ZDHHC15: variants seen among roughly 807,000 people sequenced by gnomAD.
The protein encoded by ZDHHC15 is palmitoyltransferase ZDHHC15.
A neutral mutation model predicts 31.7 loss-of-function variants in ZDHHC15; 19 were observed. The observed-to-expected ratio is 0.60, with a 90% CI of 0.42 to 0.88. ZDHHC15 has a LOEUF of 0.88. Among genes scored for constraint, ZDHHC15 ranks in the 40% least tolerant of loss-of-function variants. The pLI is 0.00. For missense variants in ZDHHC15, 209 were observed against 251.2 expected (o/e 0.83, Z 1.14); for synonymous variants, 103 against 90.0 (o/e 1.14, Z -0.82).
intron 2 of ZDHHC15, among the ~76,000 whole-genome samples, chrX:75,482,256 T>A (rs1435678948): frequency 9.0e-6 from 1 of 111,455 alleles, no homozygotes; most frequent in Non-Finnish European, 1.9e-5. Flanking sequence ...CCTGCACATG[T>A]ACCCCCTGAA....
intron 2 of ZDHHC15, among the ~76,000 whole-genome samples, chrX:75,491,913 A>C (rs2084902678): frequency 9.0e-6 from 1 of 111,657 alleles, no homozygotes; most frequent in Non-Finnish European, 1.9e-5. Flanking sequence ...CTAACATCAT[A>C]ATGACAGGAT....
At chrX:75,488,984 C>A (rs1376560276) in intron 2 of ZDHHC15, among the ~76,000 whole-genome samples, 1 of 111,871 alleles carries the variant, frequency 8.9e-6, no homozygotes, top group Non-Finnish European at 1.9e-5. Context: ...CCTACACCCA[C>A]AGAGCCTCCT....
intron 2 of ZDHHC15, among the ~76,000 whole-genome samples, chrX:75,483,626 T>A (rs1192205746): frequency 1.8e-5 from 2 of 111,969 alleles, no homozygotes; most frequent in African/African-American, 6.5e-5. Flanking sequence ...CTCTTGTTGA[T>A]AACGCCTACC....
chrX:75,410,555 A>G (rs5938060), intron 10 of ZDHHC15, among the ~76,000 whole-genome samples: 56,219 of 110,786 alleles, frequency 0.51, 12,964 homozygotes, highest in Non-Finnish European at 0.72. Flanking sequence ...GTGAGATACC[A>G]TGTAATCCTT....
chrX:75,480,341 T>G (rs1475296073), intron 2 of ZDHHC15, among the ~76,000 whole-genome samples: 1 of 111,734 alleles, frequency 8.9e-6, no homozygotes. Flanking sequence ...AACACCTCTT[T>G]GGTGTTTGGT....
intron 1 of ZDHHC15, among the ~76,000 whole-genome samples, chrX:75,517,064 G>T (rs1008745236): frequency 9.0e-6 from 1 of 111,698 alleles, no homozygotes; most frequent in East Asian, 2.8e-4. Context: ...TTAGAATGGC[G>T]ATCATTAAAA....
At chrX:75,436,860 T>C (rs1031982795) in intron 4 of ZDHHC15, among the ~76,000 whole-genome samples, 12 of 112,768 alleles carry the variant, frequency 1.1e-4, no homozygotes, top group African/African-American at 3.9e-4. Context: ...TTGTTTGTTT[T>C]ATTTTTTGTT....
At chrX:75,418,839 A>T (rs978938128) in intron 9 of ZDHHC15, among the ~76,000 whole-genome samples, 4 of 112,484 alleles carry the variant, frequency 3.6e-5, no homozygotes, top group Non-Finnish European at 5.6e-5. Flanking sequence ...TGTAAGACAT[A>T]AAACCATAAA....
intron 6 of ZDHHC15, 59 bp downstream of exon 6, chrX:75,429,889 G>C (rs1318575911): frequency 2.7e-6 from 3 of 1,100,551 alleles, no homozygotes; most frequent in Non-Finnish European, 3.7e-6. Flanking sequence ...TTAGAAAAGT[G>C]CATATAATTG....
At position 75,369,931 on chromosome X, in the gene ZDHHC15, T is replaced by C. The variant is rs190644416; in HGVS notation, c.*3047A>G. ...CTGTGTTCCATTGGGGACCACTTAA[T>C]CTCTTTTCCCCTTAATTTTTCCAGC... On this transcript the variant is annotated 3_prime_UTR_variant, in exon 12 of 12. Coordinates refer to ENST00000373367, the MANE Select transcript of ZDHHC15 (RefSeq NM_144969.3). 1 of 111,516 alleles carries C rather than the reference T, an allele frequency of 9.0e-6. No individual in the cohort carries two copies. Among genetic ancestry groups the C allele is most frequent in the African/African-American group, 3.3e-5 (1 of 30,638 alleles). The allele number at this position is 111,516 out of a possible 1,213,427, so 9.2% of individuals were successfully genotyped here.
chrX:75,477,901 T>C (rs1483467448), intron 3 of ZDHHC15, among the ~76,000 whole-genome samples: 2 of 111,847 alleles, frequency 1.8e-5, no homozygotes, highest in South Asian at 3.7e-4. Flanking sequence ...TTACTCTTTA[T>C]TTTCTTCATA....
At chrX:75,517,526 G>A (rs1362591608) in intron 1 of ZDHHC15, among the ~76,000 whole-genome samples, 15 of 92,321 alleles carry the variant, frequency 1.6e-4, no homozygotes, top group African/African-American at 4.2e-5. Context: ...TCATAGGTGC[G>A]AATTGAACAA....
rs1010718005 is a variant in ZDHHC15 at position 75,407,245 on chromosome X, G to A, written c.967+9842C>T. Among the ~76,000 whole-genome samples, 133 of 110,163 alleles carry A rather than the reference G, an allele frequency of 1.2e-3. 1 individual carries two copies. The highest frequency in any genetic ancestry group is 4.0e-3 in the African/African-American group (121 of 30,284). Reference sequence around the variant, plus strand: ...CCACCCCATCTGGGAGGTGAGGAGCGTCTCTGCCCAGCCGCCCCGTCTGAG... The same window carrying A: ...CCACCCCATCTGGGAGGTGAGGAGCATCTCTGCCCAGCCGCCCCGTCTGAG... On this transcript the variant is annotated intron_variant, in intron 10 of 11. Coordinates refer to ENST00000373367, the MANE Select transcript of ZDHHC15 (RefSeq NM_144969.3).
At position 75,463,684 on chromosome X, in the gene ZDHHC15, T is replaced by A. The variant is rs1052395871; in HGVS notation, c.259-12762A>T. ...GACATTTATGCAGCCAACAGACACA[T>A]GAAAAAATGCTCATCATCACTGGCC... On this transcript the variant is annotated intron_variant, in intron 3 of 11. Transcript: ENST00000373367. Among the ~76,000 whole-genome samples the A allele has an allele frequency of 1.0e-3, 115 of 111,159 alleles. 1 individual carries two copies. Among genetic ancestry groups the A allele is most frequent in the Non-Finnish European group, 1.8e-3 (98 of 52,996 alleles).
chrX:75,376,128 G>A (rs2083056821), intron 11 of ZDHHC15, among the ~76,000 whole-genome samples: 1 of 110,645 alleles, frequency 9.0e-6, no homozygotes, highest in African/African-American at 3.3e-5. Context: ...ACCTCATTGC[G>A]GTTTGGATTT....
chrX:75,454,064 A>C (rs1164240609), intron 3 of ZDHHC15, among the ~76,000 whole-genome samples: 1 of 111,619 alleles, frequency 9.0e-6, no homozygotes, highest in Non-Finnish European at 1.9e-5. Context: ...GAACGAAATA[A>C]AGAGTATTCA....
At chrX:75,379,892 AG>A (rs1301897052) in intron 10 of ZDHHC15, among the ~76,000 whole-genome samples, 2 of 92,008 alleles carry the variant, frequency 2.2e-5, no homozygotes, top group African/African-American at 7.2e-5. Context: ...TCCTAAAGAC[AG>A]AGGCCAGCCA....
At chrX:75,514,081 G>A (rs2085318582) in intron 1 of ZDHHC15, among the ~76,000 whole-genome samples, 1 of 112,952 alleles carries the variant, frequency 8.9e-6, no homozygotes, top group South Asian at 3.5e-4. Flanking sequence ...AACTGAGGGA[G>A]CTGATCACTA....
At chrX:75,417,240 G>C in intron 9 of ZDHHC15, 50 bp from the exon 10 acceptor site, 2 of 927,369 alleles carry the variant, frequency 2.2e-6, no homozygotes, top group African/African-American at 1.9e-5. Flanking sequence ...ATAGACTTTT[G>C]TGAAGGTTAT....
Sources: allele counts gnomAD v4.1 joint callset (sites outside exome capture counted in the v4.1 genomes callset), GRCh38; gene constraint gnomAD v4.1.1; transcripts MANE v1.5; gene names NCBI Gene and HGNC (gene_info 2026-07-23, HGNC 2026-07-21).